Variants in SPSB1 observed in about 807,000 individuals in gnomAD.
SPSB1 encodes the protein SPRY domain-containing SOCS box protein 1.
A neutral mutation model predicts 21.2 loss-of-function variants in SPSB1; 8 were observed. The ratio of observed to expected loss-of-function variants is 0.38; its 90% CI spans 0.22 to 0.68. SPSB1 has a LOEUF of 0.68. SPSB1 is among the 30% of genes least tolerant of loss of function. SPSB1 has a pLI of 0.53. For missense variants in SPSB1, 242 were observed against 377.8 expected (o/e 0.64, Z 2.98); for synonymous variants, 169 against 161.7 (o/e 1.05, Z -0.34).
chr1:9,348,176 C>A lies in SPSB1; in HGVS notation c.-149-7567C>A, dbSNP rs940250391. On this transcript the variant is annotated intron_variant, in intron 1 of 2. Coordinates refer to ENST00000328089, the MANE Select transcript of SPSB1 (RefSeq NM_025106.4). This position sits in a 1 kb window ranked among gnomAD's most constrained non-coding sequence, Gnocchi z 4.8. Reference sequence around the variant, plus strand: ...GCCAGACTGGTCTCAAACTCCTGACCTCAGGTGATCTGCCCACCTCGGCCT... The same window carrying A: ...GCCAGACTGGTCTCAAACTCCTGACATCAGGTGATCTGCCCACCTCGGCCT... Among the ~76,000 whole-genome samples the A allele has an allele frequency of 2.6e-5, 4 of 151,966 alleles. No individual in the cohort carries two copies. The highest frequency in any genetic ancestry group is 5.9e-5 in the Non-Finnish European group (4 of 68,002).
chr1:9,352,914 G>A (rs1640290018), intron 1 of SPSB1, among the ~76,000 whole-genome samples: 1 of 149,828 alleles, frequency 6.7e-6, no homozygotes, highest in Non-Finnish European at 1.5e-5. Context: ...TGACAGACGA[G>A]ATCCCGGGAG....
intron 1 of SPSB1, among the ~76,000 whole-genome samples, chr1:9,347,796 G>T (rs1022207452): frequency 6.6e-6 from 1 of 152,060 alleles, no homozygotes; most frequent in Non-Finnish European, 1.5e-5. Context: ...CTGGGTGATT[G>T]CTGGGCGTTT....
intron 1 of SPSB1, among the ~76,000 whole-genome samples, chr1:9,308,272 C>T (rs1013487869): frequency 1.3e-5 from 2 of 152,172 alleles, no homozygotes; most frequent in Non-Finnish European, 2.9e-5. Context: ...TGGCACCTAG[C>T]AAGGGGGCCA....
chr1:9,326,985 G>C (rs2100489038), intron 1 of SPSB1, among the ~76,000 whole-genome samples: 1 of 152,260 alleles, frequency 6.6e-6, no homozygotes, highest in South Asian at 2.1e-4. Flanking sequence ...AGAGGCACCT[G>C]GATCCCGAGA....
intron 1 of SPSB1, among the ~76,000 whole-genome samples, chr1:9,344,266 A>G (rs1241264270): frequency 1.3e-5 from 2 of 152,104 alleles, no homozygotes; most frequent in Non-Finnish European, 2.9e-5. Flanking sequence ...GGAGTTTCTG[A>G]TTCAGAAAGT....
intron 2 of SPSB1, among the ~76,000 whole-genome samples, chr1:9,366,236 G>A (rs1019948660): frequency 5.9e-5 from 9 of 152,196 alleles, no homozygotes; most frequent in South Asian, 2.1e-4. Context: ...GGGCAGTTGC[G>A]GGGAGAAGGC....
Position 9,367,524 on chromosome 1 carries a change from C to G in SPSB1, c.771C>G (p.Ile257Met). The change falls in exon 3 of 3, where the codon ATC becomes ATG. Residue 257 changes from isoleucine to methionine, a missense_variant. Coordinates refer to ENST00000328089, the MANE Select transcript of SPSB1 (RefSeq NM_025106.4). This position sits in a 1 kb window ranked among gnomAD's most constrained non-coding sequence, Gnocchi z 5.9. ...LALGRERLGE[I>M]HTLPLPASLK... ...TGGGGAGGGAGCGCCTGGGGGAGAT[C>G]CACACGCTGCCGCTGCCGGCTTCCC... is the stretch of plus-strand genomic sequence containing the variant. The G allele has an allele frequency of 1.2e-6, 2 of 1,613,122 alleles. No individual in the cohort carries two copies. Among genetic ancestry groups the G allele is most frequent in the South Asian group, 1.1e-5 (1 of 91,056 alleles).
intron 2 of SPSB1, among the ~76,000 whole-genome samples, chr1:9,360,634 C>T (rs1346412153): frequency 6.6e-6 from 1 of 152,224 alleles, no homozygotes; most frequent in Admixed American, 6.5e-5. Flanking sequence ...AGATGCCTCC[C>T]TGAGTCCCAG....
At chr1:9,323,065 G>T (rs571752181) in intron 1 of SPSB1, among the ~76,000 whole-genome samples, 2 of 152,190 alleles carry the variant, frequency 1.3e-5, no homozygotes, top group Non-Finnish European at 2.9e-5. Context: ...GGTGGTGGAC[G>T]GGCCAGGCGG....
chr1:9,346,080 G>A lies in SPSB1; in HGVS notation c.-149-9663G>A, dbSNP rs1640162822. 2.0e-5 allele frequency among the ~76,000 whole-genome samples: 3 copies of A among 152,238 alleles called. No individual in the cohort carries two copies. Among genetic ancestry groups the A allele is most frequent in the Non-Finnish European group, 1.5e-5 (1 of 68,046 alleles). ...CACAGAACCCCAGTGAGCGGGCAGA[G>A]CCCAGGCAGCGGCTGAGCCAGGCTG... On this transcript the variant is annotated intron_variant, in intron 1 of 2. Coordinates refer to ENST00000328089, the MANE Select transcript of SPSB1 (RefSeq NM_025106.4). The surrounding 1 kb of genome is among the most constrained non-coding windows in gnomAD (Gnocchi z 4.4).
chr1:9,349,654 A>G (rs1640219212), intron 1 of SPSB1, among the ~76,000 whole-genome samples: 1 of 152,224 alleles, frequency 6.6e-6, no homozygotes, highest in Admixed American at 6.5e-5. Context: ...CGTGCCACAC[A>G]CAATCCGCCA....
At chr1:9,308,710 G>A (rs189825838) in intron 1 of SPSB1, among the ~76,000 whole-genome samples, 7 of 152,132 alleles carry the variant, frequency 4.6e-5, no homozygotes, top group Admixed American at 6.5e-5. Context: ...GTTACCTCCC[G>A]GTTTACAGAT....
At chr1:9,307,910 C>T (rs572076370) in intron 1 of SPSB1, among the ~76,000 whole-genome samples, 52 of 152,292 alleles carry the variant, frequency 3.4e-4, no homozygotes, top group South Asian at 8.3e-4. Flanking sequence ...ACTCCCTCCT[C>T]GCCATGGTCC....
chr1:9,300,806 T>C (rs75780251), intron 1 of SPSB1, among the ~76,000 whole-genome samples: 1,569 of 152,336 alleles, frequency 0.01, 41 homozygotes, highest in African/African-American at 0.036. Flanking sequence ...CAAAGGCCCA[T>C]GGTTCTTACT....
chr1:9,347,144 C>A (rs2100506754), intron 1 of SPSB1, among the ~76,000 whole-genome samples: 1 of 152,266 alleles, frequency 6.6e-6, no homozygotes, highest in South Asian at 2.1e-4. Context: ...CATAGTGAGA[C>A]CCTGTCTCTT....
intron 1 of SPSB1, among the ~76,000 whole-genome samples, chr1:9,330,788 T>A (rs72643817): frequency 0.027 from 4,051 of 152,164 alleles, 83 homozygotes; most frequent in Non-Finnish European, 0.035. Flanking sequence ...TCAGTAGCGT[T>A]GAGTACATTA....
chr1:9,314,819 A>AAT (rs2100475070), intron 1 of SPSB1, among the ~76,000 whole-genome samples: 1 of 152,296 alleles, frequency 6.6e-6, no homozygotes, highest in Admixed American at 6.5e-5. Context: ...ACAAACTCAC[A>AAT]TGCCCCCCGG....
intron 1 of SPSB1, among the ~76,000 whole-genome samples, chr1:9,304,959 C>G (rs1033451080): frequency 1.3e-5 from 2 of 152,170 alleles, no homozygotes; most frequent in Non-Finnish European, 2.9e-5. Context: ...AGCGCTCACC[C>G]TCTGCTGCTT....
intron 1 of SPSB1, among the ~76,000 whole-genome samples, chr1:9,325,234 C>CT (rs1639798653): frequency 6.8e-6 from 1 of 146,730 alleles, no homozygotes. Flanking sequence ...CACCCCCCCC[C>CT]CCCGCCCCGC....
Sources: allele counts gnomAD v4.1 joint callset (sites outside exome capture counted in the v4.1 genomes callset), GRCh38; gene constraint gnomAD v4.1.1; non-coding constraint Gnocchi (gnomAD v3.1); transcripts MANE v1.5; gene names NCBI Gene and HGNC (gene_info 2026-07-23, HGNC 2026-07-21).